The following GABRB1 variants were observed in gnomAD, a reference collection of about 807,000 sequenced individuals.
GABRB1 encodes gamma-aminobutyric acid type A receptor subunit beta1.
In GABRB1, 17 loss-of-function variants were observed where a neutral mutation model predicts 51.6. That is an observed-to-expected ratio of 0.33 (90% CI 0.23 to 0.49). GABRB1 has a LOEUF of 0.49. Ranked by LOEUF, GABRB1 falls within the 20% of genes least tolerant of loss-of-function variation. The probability of loss-of-function intolerance (pLI) is 0.99; values close to 1 mark genes in which losing one functional copy is unlikely to be tolerated. For synonymous variants in GABRB1, 247 were observed against 218.9 expected (o/e 1.13, Z -1.14); for missense variants, 410 against 600.6 (o/e 0.68, Z 3.32).
At chr4:47,411,269 G>T (rs1177396844) in intron 8 of GABRB1, among the ~76,000 whole-genome samples, 2 of 152,072 alleles carry the variant, frequency 1.3e-5, no homozygotes, top group Admixed American at 1.3e-4. Context: ...TAGATGAATG[G>T]TTAAACAAAC....
At chr4:47,408,634 A>C (rs139395399) in intron 8 of GABRB1, among the ~76,000 whole-genome samples, 2 of 152,166 alleles carry the variant, frequency 1.3e-5, no homozygotes, top group Non-Finnish European at 2.9e-5. Flanking sequence ...AGAATATTAT[A>C]CTCATATGAG....
chr4:47,280,657 T>G, intron 4 of GABRB1, among the ~76,000 whole-genome samples: 1 of 151,764 alleles, frequency 6.6e-6, no homozygotes, highest in South Asian at 2.1e-4. Context: ...TTTTTTATTT[T>G]AATTTTTTGA....
intron 5 of GABRB1, among the ~76,000 whole-genome samples, chr4:47,350,288 G>C (rs73249622): frequency 7.1e-6 from 1 of 140,392 alleles, no homozygotes; most frequent in Non-Finnish European, 1.6e-5. Context: ...TATATATATA[G>C]AGAGAGAGAG....
chr4:47,154,545 G>A (rs1449715200), intron 3 of GABRB1, among the ~76,000 whole-genome samples: 1 of 151,956 alleles, frequency 6.6e-6, no homozygotes, highest in Non-Finnish European at 1.5e-5. Flanking sequence ...GATTGTTTGA[G>A]GTTTCCTTGG....
intron 5 of GABRB1, among the ~76,000 whole-genome samples, chr4:47,388,998 AAC>A (rs1387504848): frequency 6.6e-6 from 1 of 152,244 alleles, no homozygotes; most frequent in East Asian, 1.9e-4. Flanking sequence ...TATTATCAGA[AAC>A]ACACTCACCC....
In GABRB1 at chr4:47,243,177, T is replaced by C. The variant is rs1420119884; in HGVS notation, c.462-76950T>C. On this transcript the variant is annotated intron_variant, in intron 4 of 8. Coordinates refer to ENST00000295454, the MANE Select transcript of GABRB1 (RefSeq NM_000812.4). ...CCATTGCTTGTTTTTGCCAGGTTTG[T>C]CAAAGATCAGATGGTTGTAGATGTG... 4.6e-5 allele frequency among the ~76,000 whole-genome samples: 7 copies of C among 152,330 alleles called. No homozygotes were observed. In the South Asian group the frequency reaches 1.4e-3, roughly 32 times the overall value.
chr4:47,343,162 C>T (rs1194995541), intron 5 of GABRB1, among the ~76,000 whole-genome samples: 1 of 151,588 alleles, frequency 6.6e-6, no homozygotes, highest in African/African-American at 2.4e-5. Context: ...AAAAAAATGT[C>T]TGTTCTGGGT....
chr4:47,348,312 G>A lies in GABRB1; in HGVS notation c.544+28103G>A, dbSNP rs1210256061. Among the ~76,000 whole-genome samples the A allele has an allele frequency of 2.0e-5, 3 of 152,146 alleles. No homozygotes were observed. The East Asian group carries it at 5.8e-4, about 29-fold the overall frequency. On this transcript the variant is annotated intron_variant, in intron 5 of 8. Coordinates refer to ENST00000295454, the MANE Select transcript of GABRB1 (RefSeq NM_000812.4). ...AATAAATATAAGAAAATGATTGCTT[G>A]TTGCAGCATATAAACTCAGAGTCAG...
intron 5 of GABRB1, among the ~76,000 whole-genome samples, chr4:47,337,844 T>C (rs961026966): frequency 4.7e-5 from 7 of 149,710 alleles, no homozygotes; most frequent in African/African-American, 1.7e-4. Context: ...GATAGATCCT[T>C]GTGGGATGTC....
At chr4:47,004,092 G>T (rs774412483) in intron 1 of GABRB1, among the ~76,000 whole-genome samples, 3 of 151,932 alleles carry the variant, frequency 2.0e-5, no homozygotes, top group African/African-American at 4.8e-5. Context: ...GGGTTCAAGC[G>T]GTTCCCCTGC....
intron 4 of GABRB1, among the ~76,000 whole-genome samples, chr4:47,178,977 T>A (rs1052544983): frequency 6.6e-6 from 1 of 151,934 alleles, no homozygotes; most frequent in African/African-American, 2.4e-5. Flanking sequence ...ATACTTTTTT[T>A]ATACATACTT....
At chr4:47,009,865 G>A (rs775294823) in intron 1 of GABRB1, among the ~76,000 whole-genome samples, 1 of 152,162 alleles carries the variant, frequency 6.6e-6, no homozygotes. Context: ...AGAATGTGAT[G>A]GTGGTCACCA....
chr4:47,066,752 G>T (rs1313970877), intron 3 of GABRB1, among the ~76,000 whole-genome samples: 1 of 152,020 alleles, frequency 6.6e-6, no homozygotes, highest in African/African-American at 2.4e-5. Context: ...CTGAAGTCTT[G>T]AACCCCTCAA....
intron 4 of GABRB1, among the ~76,000 whole-genome samples, chr4:47,187,563 A>C (rs1407188519): frequency 5.9e-5 from 9 of 151,864 alleles, no homozygotes; most frequent in Non-Finnish European, 1.3e-4. Flanking sequence ...GACGTGCACA[A>C]TTTAGCGTGA....
intron 5 of GABRB1, among the ~76,000 whole-genome samples, chr4:47,337,914 A>G (rs536073826): frequency 6.6e-6 from 1 of 151,814 alleles, no homozygotes; most frequent in East Asian, 1.9e-4. Context: ...TACTCAATAA[A>G]TGGGGGTAAC....
chr4:47,267,388 T>C (rs1333923637), intron 4 of GABRB1, among the ~76,000 whole-genome samples: 3 of 148,458 alleles, frequency 2.0e-5, no homozygotes, highest in Non-Finnish European at 3.0e-5. Context: ...GCAAGCCTCA[T>C]AGAAAGTAGA....
intron 3 of GABRB1, among the ~76,000 whole-genome samples, chr4:47,131,448 G>A (rs903496209): frequency 1.3e-4 from 20 of 152,136 alleles, no homozygotes; most frequent in African/African-American, 1.9e-4. Context: ...GTGAGCCACC[G>A]CACCAGGCCG....
At chr4:47,146,376 G>A (rs1717173014) in intron 3 of GABRB1, among the ~76,000 whole-genome samples, 1 of 151,818 alleles carries the variant, frequency 6.6e-6, no homozygotes, top group South Asian at 2.1e-4. Flanking sequence ...AACAGTAAGA[G>A]AAAATTTCAG....
intron 4 of GABRB1, among the ~76,000 whole-genome samples, chr4:47,198,274 G>T (rs534168283): frequency 6.3e-4 from 96 of 152,300 alleles, no homozygotes; most frequent in African/African-American, 2.0e-3. Context: ...GGAGACAGAA[G>T]GTAGTATGGT....
Sources: gnomAD v4.1 joint callset for allele counts (sites outside exome capture counted in the v4.1 genomes callset) on GRCh38, gnomAD v4.1.1 for gene constraint, MANE v1.5 for transcripts, NCBI Gene and HGNC (gene_info 2026-07-23, HGNC 2026-07-21) for gene names.